The following FERMT2 variants were observed in gnomAD, a reference collection of about 807,000 sequenced individuals.
FERMT2 encodes fermitin family homolog 2.
FERMT2 carries 15 observed loss-of-function variants against 82.7 expected under a neutral mutation model. The ratio of observed to expected loss-of-function variants is 0.18; its 90% CI spans 0.12 to 0.28. The LOEUF (loss-of-function observed/expected upper bound fraction) is 0.28. Among genes scored for constraint, FERMT2 ranks in the 10% least tolerant of loss-of-function variants. The pLI, the probability that FERMT2 is intolerant of heterozygous loss-of-function variation, is 1.00. For synonymous variants in FERMT2, 274 were observed against 271.5 expected (o/e 1.01, Z -0.09); for missense variants, 645 against 809.4 (o/e 0.80, Z 2.46).
intron 2 of FERMT2, among the ~76,000 whole-genome samples, chr14:52,935,729 C>T (rs928963611): frequency 9.2e-5 from 14 of 152,142 alleles, no homozygotes; most frequent in Admixed American, 7.9e-4. Context: ...AAACCTCTAA[C>T]GAAAAGTGAC....
chr14:52,920,233 T>G (rs1262561055), intron 2 of FERMT2, among the ~76,000 whole-genome samples: 1 of 152,206 alleles, frequency 6.6e-6, no homozygotes, highest in Non-Finnish European at 1.5e-5. Flanking sequence ...TTTTTAAAGC[T>G]GCAATCAAAG....
chr14:52,900,669 GTAACACCCTGAT>G (rs2139574642), intron 3 of FERMT2, among the ~76,000 whole-genome samples: 1 of 152,180 alleles, frequency 6.6e-6, no homozygotes, highest in African/African-American at 2.4e-5. Flanking sequence ...GTACCAATGG[GTAACACCCTGAT>G]TCACTGTTCT....
chr14:52,913,051 GTT>G (rs1314318464), intron 3 of FERMT2, among the ~76,000 whole-genome samples: 3 of 152,040 alleles, frequency 2.0e-5, no homozygotes, highest in African/African-American at 7.2e-5. Context: ...TTCTTTTCTT[GTT>G]TATACAAATA....
chr14:52,863,630 A>T (rs547941072), intron 12 of FERMT2: 2 of 152,288 alleles, frequency 1.3e-5, no homozygotes, highest in South Asian at 2.1e-4. Flanking sequence ...ACAAAAGCAA[A>T]TTTCAATGAA....
chr14:52,872,581 C>T (rs1488221782), intron 10 of FERMT2, among the ~76,000 whole-genome samples: 1 of 152,126 alleles, frequency 6.6e-6, no homozygotes, highest in Non-Finnish European at 1.5e-5. Context: ...GTCAAGTCTG[C>T]ACAAAGAGAT....
intron 2 of FERMT2, among the ~76,000 whole-genome samples, chr14:52,936,545 A>G (rs1889845647): frequency 1.3e-5 from 2 of 152,132 alleles, no homozygotes; most frequent in Non-Finnish European, 2.9e-5. Flanking sequence ...ACGTCAAGCC[A>G]CTGGTTCCCT....
chr14:52,885,611 A>C (rs933660781), intron 4 of FERMT2, among the ~76,000 whole-genome samples: 3 of 152,136 alleles, frequency 2.0e-5, no homozygotes, highest in African/African-American at 7.2e-5. Flanking sequence ...TAAAAACTCT[A>C]AGGGGGAGAA....
chr14:52,880,757 C>G (rs1028760309), intron 6 of FERMT2, among the ~76,000 whole-genome samples: 1 of 151,680 alleles, frequency 6.6e-6, no homozygotes, highest in Non-Finnish European at 1.5e-5. Flanking sequence ...TCATGACACT[C>G]TAAGAGCTTA....
At chr14:52,938,589 C>T (rs1555374145) in intron 2 of FERMT2, among the ~76,000 whole-genome samples, 2 of 151,906 alleles carry the variant, frequency 1.3e-5, no homozygotes, top group Non-Finnish European at 2.9e-5. Flanking sequence ...TTTTTTGAGA[C>T]ACAGTCTCAC....
intron 2 of FERMT2, among the ~76,000 whole-genome samples, chr14:52,943,593 T>C (rs895239511): frequency 6.6e-6 from 1 of 151,848 alleles, no homozygotes; most frequent in Non-Finnish European, 1.5e-5. Context: ...ATGTGATCAC[T>C]ATACTGTAAT....
chr14:52,907,635 T>C (rs1022036164), intron 3 of FERMT2, among the ~76,000 whole-genome samples: 1 of 152,172 alleles, frequency 6.6e-6, no homozygotes, highest in Non-Finnish European at 1.5e-5. Flanking sequence ...TGTGAAGTAG[T>C]ATATTATTTG....
At chr14:52,932,014 G>A (rs1420492046) in intron 2 of FERMT2, among the ~76,000 whole-genome samples, 3 of 152,236 alleles carry the variant, frequency 2.0e-5, no homozygotes, top group Non-Finnish European at 2.9e-5. Context: ...AGGCGACAGA[G>A]CGAGACTCCG....
At chr14:52,924,198 T>G (rs1334752346) in intron 2 of FERMT2, among the ~76,000 whole-genome samples, 2 of 152,074 alleles carry the variant, frequency 1.3e-5, no homozygotes, top group Non-Finnish European at 2.9e-5. Flanking sequence ...CCAAGGTGGC[T>G]AGAGGAGAGG....
intron 10 of FERMT2, among the ~76,000 whole-genome samples, chr14:52,866,898 C>A (rs7144029): frequency 0.84 from 128,371 of 151,998 alleles, 54,677 homozygotes; most frequent in Non-Finnish European, 0.9. Flanking sequence ...GGGCTGAGTT[C>A]ATTACCATCC....
intron 12 of FERMT2, chr14:52,861,790 T>C (rs181618683): frequency 6.6e-6 from 1 of 152,408 alleles, no homozygotes; most frequent in African/African-American, 2.4e-5. Context: ...TTAATATATA[T>C]ATAATTGAAG....
intron 4 of FERMT2, among the ~76,000 whole-genome samples, chr14:52,890,848 C>G (rs1046055977): frequency 6.6e-6 from 1 of 152,058 alleles, no homozygotes; most frequent in Non-Finnish European, 1.5e-5. Flanking sequence ...GGTGATCCAC[C>G]CACCTCAGCC....
chr14:52,905,433 T>C (rs1242759809), intron 3 of FERMT2, among the ~76,000 whole-genome samples: 1 of 152,140 alleles, frequency 6.6e-6, no homozygotes, highest in East Asian at 1.9e-4. Flanking sequence ...TAAAAAATAA[T>C]TTCAAAAATC....
intron 4 of FERMT2, among the ~76,000 whole-genome samples, chr14:52,882,469 A>G (rs1594945113): frequency 6.6e-6 from 1 of 152,206 alleles, no homozygotes; most frequent in African/African-American, 2.4e-5. Context: ...TTAAACTACA[A>G]AAATTAAGGA....
intron 8 of FERMT2, 68 bp downstream of exon 8, chr14:52,875,155 C>T (rs567420181): frequency 5.7e-4 from 786 of 1,380,248 alleles, no homozygotes; most frequent in Non-Finnish European, 7.3e-4. Flanking sequence ...TACTTTGAAC[C>T]TAAATCCACA....
Sources: allele counts gnomAD v4.1 joint callset (sites outside exome capture counted in the v4.1 genomes callset), GRCh38; gene constraint gnomAD v4.1.1; transcripts MANE v1.5; gene names NCBI Gene and HGNC (gene_info 2026-07-23, HGNC 2026-07-21).